The following CFTR variants were observed in gnomAD, a reference collection of about 807,000 sequenced individuals.
The protein encoded by CFTR is cystic fibrosis transmembrane conductance regulator.
A neutral mutation model predicts 171.6 loss-of-function variants in CFTR; 181 were observed. The ratio of observed to expected loss-of-function variants is 1.05; its 90% CI spans 0.93 to 1.19. The LOEUF is 1.19. Ranked by LOEUF, CFTR falls within the 50% of genes most tolerant of loss-of-function variation. The pLI is 0.00. For missense variants in CFTR, 1,968 were observed against 1,734.7 expected (o/e 1.13, Z -2.39); for synonymous variants, 583 against 608.0 (o/e 0.96, Z 0.60).
chr7:117,506,866 AT>A (rs1420853624), intron 2 of CFTR, among the ~76,000 whole-genome samples: 1 of 152,118 alleles, frequency 6.6e-6, no homozygotes, highest in African/African-American at 2.4e-5. Flanking sequence ...GGTATTTGAA[AT>A]TTATTGAAAT....
Position 117,592,518 on chromosome 7 carries a change from A to G in CFTR, c.2351A>G (p.His784Arg). Residue 784 changes from histidine (H) to arginine (R), a missense_variant, in exon 14 of 27, where the codon CAC becomes CGC. Coordinates refer to ENST00000003084, the MANE Select transcript of CFTR (RefSeq NM_000492.4). Reference protein sequence around the residue: ...THSVNQGQNIHRKTTASTRKV... With the variant: ...THSVNQGQNIRRKTTASTRKV... ...TCAGTTAACCAAGGTCAGAACATTC[A>G]CCGAAAGACAACAGCATCCACACGA... 1 of 1,529,134 alleles carries G rather than the reference A, an allele frequency of 6.5e-7. No homozygotes were observed. Among genetic ancestry groups the G allele is most frequent in the Non-Finnish European group, 8.8e-7 (1 of 1,141,466 alleles). The allele number at this position is 1,529,134 out of a possible 1,614,324, so 94.7% of individuals were successfully genotyped here.
intron 10 of CFTR, among the ~76,000 whole-genome samples, chr7:117,549,673 T>C (rs1799235367): frequency 1.3e-5 from 2 of 152,200 alleles, no homozygotes; most frequent in South Asian, 4.1e-4. Context: ...TTGTTCCCAT[T>C]TGATTGTCAT....
chr7:117,644,831 A>T lies in CFTR; in HGVS notation c.3873+2238A>T, dbSNP rs543110548. Among the ~76,000 whole-genome samples, 26 of 152,266 alleles carry T rather than the reference A, an allele frequency of 1.7e-4. 1 individual carries two copies. The highest frequency in any genetic ancestry group is 1.7e-3 in the Admixed American group (26 of 15,268). On this transcript the variant is annotated intron_variant, in intron 23 of 26. Transcript: ENST00000003084. Reference sequence around the variant, plus strand: ...TTTAATTTGTTCTGTGTTACCTGTGAGCTGTGAGGTCATGAAGAGGAGACA... The same window carrying T: ...TTTAATTTGTTCTGTGTTACCTGTGTGCTGTGAGGTCATGAAGAGGAGACA...
intron 20 of CFTR, among the ~76,000 whole-genome samples, chr7:117,612,027 A>ATATATATATATATATATATATATATATG (rs1792404703): frequency 1.5e-5 from 1 of 66,006 alleles, no homozygotes; most frequent in Non-Finnish European, 3.0e-5. Flanking sequence ...ATATATGTAT[A>ATATATATATATATATATATATATATATG]TATATATATA....
intron 21 of CFTR, among the ~76,000 whole-genome samples, chr7:117,617,952 A>G (rs1474693217): frequency 6.6e-6 from 1 of 151,990 alleles, no homozygotes; most frequent in African/African-American, 2.4e-5. Flanking sequence ...CATCAGCCCC[A>G]TAACTCAGGA....
chr7:117,579,198 C>T (rs1340772639), intron 11 of CFTR, among the ~76,000 whole-genome samples: 1 of 151,288 alleles, frequency 6.6e-6, no homozygotes, highest in South Asian at 2.1e-4. Context: ...TTGAATAAAC[C>T]GTTATTGAAG....
chr7:117,665,469 A>T lies in CFTR; in HGVS notation c.4147A>T (p.Ile1383Leu). The change falls in exon 26 of 27, where the codon ATA becomes TTA. Residue 1383 changes from isoleucine (I) to leucine (L), a missense_variant. Physicochemically the swap from Ile to Leu is conservative, Grantham distance 5. Transcript: ENST00000003084. ...TTCTTTCTTTTCTAGAACATACCAA[A>T]TAATTAGAAGAACTCTAAAACAAGC... is the stretch of plus-strand genomic sequence containing the variant. The part of the protein sequence containing the change: ...SAHLDPVTYQ[I>L]IRRTLKQAFA... 4 of 1,599,932 alleles carry T rather than the reference A, an allele frequency of 2.5e-6. No individual in the cohort carries two copies. The highest frequency in any genetic ancestry group is 3.4e-6 in the Non-Finnish European group (4 of 1,167,278).
intron 21 of CFTR, among the ~76,000 whole-genome samples, chr7:117,620,511 C>T (rs1042307730): frequency 1.3e-5 from 2 of 152,114 alleles, no homozygotes; most frequent in Non-Finnish European, 2.9e-5. Flanking sequence ...AAGTTATTCA[C>T]TGCTGCAATT....
rs561330085 is a variant in CFTR at position 117,659,417 on chromosome 7, G to C, written c.3964-5271G>C. Reference sequence around the variant, plus strand: ...GTGCCTAGAGTAGTCTTGCATACATGGATGGTATTCAATAAATATTGGTTG... The same window carrying C: ...GTGCCTAGAGTAGTCTTGCATACATCGATGGTATTCAATAAATATTGGTTG... On this transcript the variant is annotated intron_variant, in intron 24 of 26. Transcript: ENST00000003084. Among the ~76,000 whole-genome samples, 3 of 152,226 alleles carry C rather than the reference G, an allele frequency of 2.0e-5. No homozygotes were observed. In the South Asian group the frequency reaches 6.2e-4, roughly 32 times the overall value.
At position 117,612,023 on chromosome 7, in the gene CFTR, G is replaced by GTATATATATATATATA. The variant is rs772661286; in HGVS notation, c.3367+230_3367+245dup. ...TGAAATCGGATATATATATATATAT[G>GTATATATATATATATA]TATATATATATATATATATATATAT... On this transcript the variant is annotated intron_variant, in intron 20 of 26. Coordinates refer to ENST00000003084, the MANE Select transcript of CFTR (RefSeq NM_000492.4). 1.3e-3 allele frequency among the ~76,000 whole-genome samples: 70 copies of GTATATATATATATATA among 53,214 alleles called. 3 individuals are homozygous for GTATATATATATATATA. The highest frequency in any genetic ancestry group is 2.4e-3 in the Admixed American group (12 of 5,000). 34.9% of individuals were successfully genotyped at this position (53,214 alleles called of 152,430 possible). A position where few individuals can be genotyped will look rare whatever the true frequency, so the allele number is the denominator to read the frequency against.
chr7:117,509,449 G>C (rs1798478822), intron 3 of CFTR, among the ~76,000 whole-genome samples: 1 of 152,080 alleles, frequency 6.6e-6, no homozygotes, highest in African/African-American at 2.4e-5. Context: ...GATTACTGGT[G>C]CCTTTATTTT....
intron 2 of CFTR, among the ~76,000 whole-genome samples, chr7:117,505,532 G>T (rs1265358995): frequency 6.6e-6 from 1 of 152,074 alleles, no homozygotes; most frequent in Non-Finnish European, 1.5e-5. Context: ...GTGGGTCCCT[G>T]GTTAGAACTC....
chr7:117,526,198 ATT>A (rs1416291890), intron 3 of CFTR, among the ~76,000 whole-genome samples: 1 of 151,784 alleles, frequency 6.6e-6, no homozygotes, highest in African/African-American at 2.4e-5. Context: ...AGAACTCAGG[ATT>A]AAGAATCTCA....
intron 11 of CFTR, among the ~76,000 whole-genome samples, chr7:117,574,831 A>C (rs993091147): frequency 6.6e-6 from 1 of 152,086 alleles, no homozygotes; most frequent in African/African-American, 2.4e-5. Flanking sequence ...TGGCTTTAAA[A>C]TTTACATAAA....
chr7:117,602,878 T>C lies in CFTR; in HGVS notation c.2657+15T>C. 6.2e-7 allele frequency: 1 copy of C among 1,605,646 alleles called. No individual in the cohort carries two copies. Among genetic ancestry groups the C allele is most frequent in the Non-Finnish European group, 8.5e-7 (1 of 1,172,254 alleles). Reference sequence around the variant, plus strand: ...CTCCTTGGAAAGTGAGTATTCCATGTCCTATTGTGTAGATTGTGTTTTATT... The same window carrying C: ...CTCCTTGGAAAGTGAGTATTCCATGCCCTATTGTGTAGATTGTGTTTTATT... On this transcript the variant is annotated intron_variant, in intron 16 of 26. Coordinates refer to ENST00000003084, the MANE Select transcript of CFTR (RefSeq NM_000492.4).
chr7:117,638,093 C>G (rs886425436), intron 22 of CFTR, among the ~76,000 whole-genome samples: 6 of 152,134 alleles, frequency 3.9e-5, no homozygotes, highest in Non-Finnish European at 7.4e-5. Flanking sequence ...TTTTCCTACC[C>G]TACTACTGGT....
At chr7:117,491,653 T>A (rs1798161502) in intron 1 of CFTR, among the ~76,000 whole-genome samples, 1 of 152,050 alleles carries the variant, frequency 6.6e-6, no homozygotes, top group Admixed American at 6.6e-5. Flanking sequence ...ATTCTCCCTG[T>A]GAGCCTGTCT....
chr7:117,533,010 T>A (rs1376256887), intron 4 of CFTR, among the ~76,000 whole-genome samples: 1 of 152,198 alleles, frequency 6.6e-6, no homozygotes, highest in African/African-American at 2.4e-5. Context: ...TTCCAAATTC[T>A]GCAACATTTT....
At chr7:117,500,846 G>C (rs1026758528) in intron 1 of CFTR, among the ~76,000 whole-genome samples, 2 of 152,156 alleles carry the variant, frequency 1.3e-5, no homozygotes, top group African/African-American at 4.8e-5. Flanking sequence ...TGTTTGGTTT[G>C]ATGATGCTAG....
Sources: gnomAD v4.1 joint callset for allele counts (sites outside exome capture counted in the v4.1 genomes callset) on GRCh38, gnomAD v4.1.1 for gene constraint, MANE v1.5 for transcripts, NCBI Gene and HGNC (gene_info 2026-07-23, HGNC 2026-07-21) for gene names.